The following GPR158 variants were observed in gnomAD, a reference collection of about 807,000 sequenced individuals.
GPR158 encodes G protein-coupled receptor 158, also known as metabotropic glycine receptor.
In GPR158, 30 loss-of-function variants were observed where a neutral mutation model predicts 78.2. The ratio of observed to expected loss-of-function variants is 0.38; its 90% CI spans 0.29 to 0.52. The LOEUF (loss-of-function observed/expected upper bound fraction) is 0.52, where lower values mean the gene tolerates loss of function less well. GPR158 is among the 20% of genes least tolerant of loss of function. GPR158 has a pLI of 0.83. For synonymous variants in GPR158, 581 were observed against 591.1 expected, an observed-to-expected ratio of 0.98 and a Z score of 0.25; for missense variants, 1,463 against 1,523.5, an observed-to-expected ratio of 0.96 and a Z score of 0.66.
chr10:25,388,142 G>A lies in GPR158; in HGVS notation c.1009-7769G>A, dbSNP rs142698612. Among the ~76,000 whole-genome samples the A allele has an allele frequency of 5.3e-5, 8 of 152,306 alleles. No homozygotes were observed. In the East Asian group the frequency reaches 1.5e-3, roughly 29 times the overall value. On this transcript the variant is annotated intron_variant, in intron 2 of 10. Coordinates refer to ENST00000376351, the MANE Select transcript of GPR158 (RefSeq NM_020752.3). ...CTGTCTTTTGTAAATCTCTGCTGGT[G>A]GCTTGTTAAGGTTCATCAAAGTAGG... is the stretch of plus-strand genomic sequence containing the variant.
At chr10:25,396,047 A>G (rs1440327761) in intron 3 of GPR158, 34 bp downstream of exon 3, 2 of 856,294 alleles carry the variant, frequency 2.3e-6, no homozygotes, top group Non-Finnish European at 3.9e-6. Context: ...ATATATATGT[A>G]TATACATCAT....
chr10:25,467,447 G>A (rs982408881), intron 5 of GPR158, among the ~76,000 whole-genome samples: 8 of 152,138 alleles, frequency 5.3e-5, no homozygotes, highest in Non-Finnish European at 1.2e-4. Context: ...CCCCCACAAA[G>A]GACGACTTTG....
chr10:25,464,792 T>C (rs879484474), intron 4 of GPR158, among the ~76,000 whole-genome samples: 6 of 152,236 alleles, frequency 3.9e-5, no homozygotes, highest in Non-Finnish European at 7.3e-5. Flanking sequence ...TTTTGTGTCT[T>C]TTTTGGAATG....
At chr10:25,411,263 G>A (rs777677794) in intron 3 of GPR158, among the ~76,000 whole-genome samples, 2 of 152,136 alleles carry the variant, frequency 1.3e-5, no homozygotes, top group African/African-American at 2.4e-5. Context: ...AGCAGTAAGT[G>A]AATAGTGTGA....
intron 1 of GPR158, among the ~76,000 whole-genome samples, chr10:25,187,069 A>G (rs1291962418): frequency 7.0e-6 from 1 of 143,800 alleles, no homozygotes; most frequent in African/African-American, 2.6e-5. Context: ...AGTTCATGCC[A>G]TTTTCCTGCC....
intron 1 of GPR158, among the ~76,000 whole-genome samples, chr10:25,187,109 C>T (rs1414184171): frequency 6.6e-6 from 1 of 151,858 alleles, no homozygotes; most frequent in African/African-American, 2.4e-5. Flanking sequence ...GGACTACAGG[C>T]GCCCGCCATC....
chr10:25,188,211 A>T (rs1852716377), intron 1 of GPR158, among the ~76,000 whole-genome samples: 1 of 152,220 alleles, frequency 6.6e-6, no homozygotes, highest in Admixed American at 6.5e-5. Flanking sequence ...ATACTGCCCC[A>T]GGTAAATTAT....
At chr10:25,347,994 A>AAC (rs1237044264) in intron 2 of GPR158, among the ~76,000 whole-genome samples, 1 of 151,860 alleles carries the variant, frequency 6.6e-6, no homozygotes, top group East Asian at 2.0e-4. Context: ...CTTTGCGGCA[A>AAC]ATGTCTGTTG....
chr10:25,291,514 G>A (rs753443814), intron 2 of GPR158, among the ~76,000 whole-genome samples: 8 of 151,940 alleles, frequency 5.3e-5, no homozygotes, highest in Non-Finnish European at 1.0e-4. Context: ...TGAGTTTCAC[G>A]AGGCTGCTTC....
chr10:25,474,869 C>A (rs1268314181), intron 5 of GPR158, among the ~76,000 whole-genome samples: 1 of 152,074 alleles, frequency 6.6e-6, no homozygotes, highest in African/African-American at 2.4e-5. Flanking sequence ...AGAATGAGGG[C>A]CCTTATTTAT....
chr10:25,363,187 G>A (rs58340676), intron 2 of GPR158, among the ~76,000 whole-genome samples: 20,873 of 151,746 alleles, frequency 0.14, 1,689 homozygotes, highest in South Asian at 0.23. Context: ...CCATAACTTT[G>A]CAGTGATGTG....
intron 5 of GPR158, among the ~76,000 whole-genome samples, chr10:25,496,068 G>A (rs573549957): frequency 3.3e-5 from 5 of 152,178 alleles, no homozygotes; most frequent in Admixed American, 2.6e-4. Flanking sequence ...GGGTTAGGGG[G>A]CAAAAATTAC....
At chr10:25,259,725 G>C (rs1420006078) in intron 2 of GPR158, among the ~76,000 whole-genome samples, 1 of 152,022 alleles carries the variant, frequency 6.6e-6, no homozygotes, top group Non-Finnish European at 1.5e-5. Flanking sequence ...TGAACATATT[G>C]TATCTCTGCT....
At chr10:25,323,066 C>T (rs143645985) in intron 2 of GPR158, among the ~76,000 whole-genome samples, 4 of 152,158 alleles carry the variant, frequency 2.6e-5, no homozygotes, top group African/African-American at 7.2e-5. Flanking sequence ...AGGATGGTCT[C>T]GATCTCCTGA....
chr10:25,485,052 T>C (rs921393058), intron 5 of GPR158, among the ~76,000 whole-genome samples: 2 of 151,974 alleles, frequency 1.3e-5, no homozygotes, highest in Non-Finnish European at 2.9e-5. Context: ...AGGTGAACAA[T>C]CTGACCTAAG....
chr10:25,259,961 T>A (rs1853945788), intron 2 of GPR158, among the ~76,000 whole-genome samples: 1 of 152,146 alleles, frequency 6.6e-6, no homozygotes, highest in East Asian at 1.9e-4. Context: ...AACTTTTCTT[T>A]GGAGTTTATT....
At chr10:25,393,418 T>C (rs1338928542) in intron 2 of GPR158, 3 of 152,240 alleles carry the variant, frequency 2.0e-5, no homozygotes, top group Non-Finnish European at 4.4e-5. Flanking sequence ...TTACAAATCC[T>C]TGCTGGATGA....
intron 6 of GPR158, among the ~76,000 whole-genome samples, chr10:25,552,653 A>G (rs1348959838): frequency 6.6e-6 from 1 of 152,216 alleles, no homozygotes; most frequent in East Asian, 1.9e-4. Flanking sequence ...TGTTTAATAC[A>G]TATGAGTAGA....
At chr10:25,369,934 G>A (rs1211554624) in intron 2 of GPR158, among the ~76,000 whole-genome samples, 1 of 150,722 alleles carries the variant, frequency 6.6e-6, no homozygotes, top group East Asian at 2.0e-4. Context: ...ATTTCTTCTA[G>A]CTTTTCTAGT....
Sources: gnomAD v4.1 joint callset for allele counts (sites outside exome capture counted in the v4.1 genomes callset) on GRCh38, gnomAD v4.1.1 for gene constraint, MANE v1.5 for transcripts, NCBI Gene and HGNC (gene_info 2026-07-23, HGNC 2026-07-21) for gene names.